DENND4C: variants seen among roughly 807,000 people sequenced by gnomAD.
The protein encoded by DENND4C is DENN domain-containing protein 4C.
DENND4C carries 108 observed loss-of-function variants against 203.0 expected under a neutral mutation model. That is an observed-to-expected ratio of 0.53 (90% CI 0.46 to 0.62). The LOEUF (loss-of-function observed/expected upper bound fraction) is 0.62, where lower values mean the gene tolerates loss of function less well. DENND4C is among the 20% of genes least tolerant of loss of function. DENND4C has a pLI of 0.00. For missense variants in DENND4C, 2,481 were observed against 2,301.2 expected (o/e 1.08, Z -1.60); for synonymous variants, 871 against 792.4 (o/e 1.10, Z -1.67).
intron 16 of DENND4C, among the ~76,000 whole-genome samples, chr9:19,329,308 G>A (rs1219619395): frequency 6.6e-6 from 1 of 152,130 alleles, no homozygotes; most frequent in Non-Finnish European, 1.5e-5. Context: ...GAGTAGAACT[G>A]CATAATATGT....
At chr9:19,305,260 T>G in intron 9 of DENND4C, 92 bp from the exon 10 acceptor site, 1 of 1,121,054 alleles carries the variant, frequency 8.9e-7, no homozygotes, top group Non-Finnish European at 1.3e-6. Flanking sequence ...CTTAACTGCT[T>G]TTCAGTGGTC....
At chr9:19,322,424 G>T (rs1273836535) in intron 12 of DENND4C, among the ~76,000 whole-genome samples, 1 of 152,166 alleles carries the variant, frequency 6.6e-6, no homozygotes, top group Non-Finnish European at 1.5e-5. Flanking sequence ...ATCAGTATTG[G>T]ACGGAGAAAG....
At chr9:19,232,203 A>T (rs1015924837) in intron 1 of DENND4C, among the ~76,000 whole-genome samples, 1 of 152,120 alleles carries the variant, frequency 6.6e-6, no homozygotes, top group African/African-American at 2.4e-5. Context: ...GAAGTCGGCA[A>T]TGAAGTTAGA....
chr9:19,233,805 TG>T (rs1385985389), intron 1 of DENND4C, among the ~76,000 whole-genome samples: 2 of 152,122 alleles, frequency 1.3e-5, no homozygotes, highest in Non-Finnish European at 2.9e-5. Context: ...GTTGGCCAGG[TG>T]GCCTGATGTC....
chr9:19,361,191 C>T (rs1335693134), intron 29 of DENND4C, among the ~76,000 whole-genome samples: 1 of 152,056 alleles, frequency 6.6e-6, no homozygotes, highest in African/African-American at 2.4e-5. Context: ...CTGTTCTGTT[C>T]CCAGCTGCAA....
At chr9:19,275,439 G>A (rs113211853) in intron 1 of DENND4C, among the ~76,000 whole-genome samples, 6,622 of 151,160 alleles carry the variant, frequency 0.044, 289 homozygotes, top group African/African-American at 0.11. Flanking sequence ...ACTGACAGGC[G>A]CACACCACCA....
chr9:19,244,743 A>AC (rs1824712021), intron 1 of DENND4C, among the ~76,000 whole-genome samples: 1 of 151,264 alleles, frequency 6.6e-6, no homozygotes, highest in African/African-American at 2.4e-5. Flanking sequence ...CCACCTCAAA[A>AC]AAAAAAAAAA....
chr9:19,353,196 T>C (rs554979609), intron 26 of DENND4C, among the ~76,000 whole-genome samples: 19 of 152,244 alleles, frequency 1.2e-4, no homozygotes, highest in Non-Finnish European at 2.2e-4. Flanking sequence ...GCAATAGATA[T>C]AAGACTAGCT....
At chr9:19,275,864 C>G (rs1188060448) in intron 1 of DENND4C, among the ~76,000 whole-genome samples, 1 of 152,154 alleles carries the variant, frequency 6.6e-6, no homozygotes. Flanking sequence ...GCCTTGGCCC[C>G]CCAAAGTGCT....
intron 1 of DENND4C, among the ~76,000 whole-genome samples, chr9:19,268,803 C>G (rs1185784322): frequency 6.6e-6 from 1 of 152,110 alleles, no homozygotes; most frequent in Non-Finnish European, 1.5e-5. Flanking sequence ...AGTGTGCTGC[C>G]AGACACATTA....
At chr9:19,262,391 T>G (rs926017655) in intron 1 of DENND4C, among the ~76,000 whole-genome samples, 4 of 151,336 alleles carry the variant, frequency 2.6e-5, no homozygotes, top group African/African-American at 9.7e-5. Context: ...CCTGGCTGAA[T>G]GTATTAGTTT....
intron 1 of DENND4C, among the ~76,000 whole-genome samples, chr9:19,263,657 A>ATTTTTTTTTTT (rs111309104): frequency 1.7e-4 from 17 of 99,322 alleles, no homozygotes; most frequent in African/African-American, 5.7e-4. Context: ...TTTTCTTCCC[A>ATTTTTTTTTTT]TTTTTTTTTT....
chr9:19,252,257 C>G lies in DENND4C; in HGVS notation c.-18+21424C>G, dbSNP rs149821360. Reference sequence around the variant, plus strand: ...CCCTTTTCTTTTAAAACCATCAGATCTCGTGAGACTTATTCACTTCCATGA... The same window carrying G: ...CCCTTTTCTTTTAAAACCATCAGATGTCGTGAGACTTATTCACTTCCATGA... On this transcript the variant is annotated intron_variant, in intron 1 of 32. Transcript: ENST00000434457. 5.4e-3 allele frequency among the ~76,000 whole-genome samples: 816 copies of G among 152,244 alleles called. 13 individuals are homozygous for G. The highest frequency in any genetic ancestry group is 4.4e-3 in the Non-Finnish European group (297 of 68,026).
At chr9:19,245,417 A>G (rs896068370) in intron 1 of DENND4C, among the ~76,000 whole-genome samples, 24 of 150,600 alleles carry the variant, frequency 1.6e-4, no homozygotes, top group African/African-American at 5.6e-4. Flanking sequence ...CAGTGAGCCA[A>G]GATGGCGCTA....
chr9:19,311,222 C>G (rs1251762979), intron 10 of DENND4C, among the ~76,000 whole-genome samples: 1 of 152,074 alleles, frequency 6.6e-6, no homozygotes, highest in Non-Finnish European at 1.5e-5. Flanking sequence ...CTCCTGGGTT[C>G]AAGCAATTCT....
chr9:19,294,950 A>T (rs201662800), intron 5 of DENND4C, among the ~76,000 whole-genome samples: 1 of 152,222 alleles, frequency 6.6e-6, no homozygotes, highest in Non-Finnish European at 1.5e-5. Context: ...GGGTAATGAA[A>T]AAAGTTCTGG....
At chr9:19,302,176 T>C (rs1319269382) in intron 9 of DENND4C, among the ~76,000 whole-genome samples, 2 of 152,216 alleles carry the variant, frequency 1.3e-5, no homozygotes, top group Non-Finnish European at 2.9e-5. Context: ...AGTCATGATT[T>C]GGTAGTTATG....
rs1588883504 is a variant in DENND4C at position 19,305,632 on chromosome 9, A to G, written c.1487+105A>G. The G allele has an allele frequency of 2.5e-6, 3 of 1,199,454 alleles. No homozygotes were observed. In the East Asian group the frequency reaches 7.1e-5, roughly 28 times the overall value. 74.3% of individuals were successfully genotyped at this position (1,199,454 alleles called of 1,614,324 possible). A position where few individuals can be genotyped will look rare whatever the true frequency, so the allele number is the denominator to read the frequency against. On this transcript the variant is annotated intron_variant, in intron 10 of 32. Transcript: ENST00000434457. Reference sequence around the variant, plus strand: ...ATATGCTATTTTTGGTAGTTGTTAAATCTTCGTCTTAAATACAGCAGCTCT... The same window carrying G: ...ATATGCTATTTTTGGTAGTTGTTAAGTCTTCGTCTTAAATACAGCAGCTCT...
rs553611899 is a variant in DENND4C at position 19,283,610 on chromosome 9, C to CTTTTTTTTTTTTT, written c.306-3153_306-3141dup. 9.8e-4 allele frequency among the ~76,000 whole-genome samples: 114 copies of CTTTTTTTTTTTTT among 116,472 alleles called. 1 individual carries two copies. Among genetic ancestry groups the CTTTTTTTTTTTTT allele is most frequent in the Non-Finnish European group, 1.5e-3 (85 of 58,394 alleles). 76.4% of individuals were successfully genotyped at this position (116,472 alleles called of 152,430 possible). A position where few individuals can be genotyped will look rare whatever the true frequency, so the allele number is the denominator to read the frequency against. The stretch of plus-strand genomic sequence containing the variant: ...TATCAGATGCATTTCTTTTTTCTTT[C>CTTTTTTTTTTTTT]TTTTTTTTTTTTTTTTTTGAGACAG... On this transcript the variant is annotated intron_variant, in intron 2 of 32. Transcript: ENST00000434457.
Sources: gnomAD v4.1 joint callset for allele counts (sites outside exome capture counted in the v4.1 genomes callset) on GRCh38, gnomAD v4.1.1 for gene constraint, MANE v1.5 for transcripts, NCBI Gene and HGNC (gene_info 2026-07-23, HGNC 2026-07-21) for gene names.